NTM: variants seen among roughly 807,000 people sequenced by gnomAD.
The protein encoded by NTM is IgLON family member 2.
NTM carries 13 observed loss-of-function variants against 42.1 expected under a neutral mutation model. That is an observed-to-expected ratio of 0.31 (90% CI 0.20 to 0.49). The LOEUF is 0.49. Ranked by LOEUF, NTM falls within the 20% of genes least tolerant of loss-of-function variation. The pLI, the probability that NTM is intolerant of heterozygous loss-of-function variation, is 0.99. For missense variants in NTM, 373 were observed against 452.8 expected, an observed-to-expected ratio of 0.82 and a Z score of 1.60; for synonymous variants, 187 against 179.2, an observed-to-expected ratio of 1.04 and a Z score of -0.35.
chr11:131,461,436 T>C (rs1443662337), intron 1 of NTM, among the ~76,000 whole-genome samples: 1 of 152,146 alleles, frequency 6.6e-6, no homozygotes, highest in East Asian at 1.9e-4. Flanking sequence ...TAAAGAAAAG[T>C]ATCTGTGGAA....
intron 4 of NTM, among the ~76,000 whole-genome samples, chr11:132,261,757 G>T (rs747383865): frequency 6.6e-6 from 1 of 152,176 alleles, no homozygotes; most frequent in Non-Finnish European, 1.5e-5. Flanking sequence ...AATAGAATGG[G>T]AGCAGATAGA....
intron 3 of NTM, among the ~76,000 whole-genome samples, chr11:132,148,309 AT>A: frequency 6.6e-6 from 1 of 152,218 alleles, no homozygotes; most frequent in South Asian, 2.1e-4. Flanking sequence ...TGTAAAATAC[AT>A]TTTTTATTAT....
At chr11:131,525,052 G>A (rs995384985) in intron 1 of NTM, among the ~76,000 whole-genome samples, 1 of 151,984 alleles carries the variant, frequency 6.6e-6, no homozygotes, top group Admixed American at 6.5e-5. Flanking sequence ...ATGGAGTAAG[G>A]GGGCAGTAAT....
intron 1 of NTM, among the ~76,000 whole-genome samples, chr11:131,690,241 T>C (rs1264510520): frequency 6.6e-6 from 1 of 152,122 alleles, no homozygotes. Flanking sequence ...AACTCACACA[T>C]TCACAGATAT....
intron 2 of NTM, among the ~76,000 whole-genome samples, chr11:132,056,335 A>G (rs1323720157): frequency 6.6e-6 from 1 of 152,180 alleles, no homozygotes; most frequent in Non-Finnish European, 1.5e-5. Context: ...CCCTATCCCC[A>G]AAATAGCAGC....
chr11:131,988,736 A>G, intron 2 of NTM, among the ~76,000 whole-genome samples: 1 of 152,306 alleles, frequency 6.6e-6, no homozygotes, highest in East Asian at 1.9e-4. Context: ...TCTGGGTCTG[A>G]TGAATTGATG....
intron 7 of NTM, among the ~76,000 whole-genome samples, chr11:132,320,930 C>G (rs1238013639): frequency 2.3e-4 from 34 of 151,058 alleles, no homozygotes; most frequent in East Asian, 5.8e-4. Flanking sequence ...ACACCTCACA[C>G]TGCAGGGTAC....
At chr11:131,733,758 G>A (rs183114726) in intron 1 of NTM, among the ~76,000 whole-genome samples, 28 of 152,124 alleles carry the variant, frequency 1.8e-4, no homozygotes, top group African/African-American at 6.5e-4. Flanking sequence ...GGCTGCTCTC[G>A]AACCCCTGAC....
chr11:132,120,760 C>T (rs1364776167), intron 2 of NTM, among the ~76,000 whole-genome samples: 1 of 152,114 alleles, frequency 6.6e-6, no homozygotes, highest in Admixed American at 6.6e-5. Flanking sequence ...GAAAAGAGAG[C>T]TTAGCGTCCT....
chr11:131,573,835 G>A (rs555687657), intron 1 of NTM, among the ~76,000 whole-genome samples: 8 of 152,200 alleles, frequency 5.3e-5, no homozygotes, highest in African/African-American at 1.7e-4. Context: ...TGACCAAAAT[G>A]TGCCTGTCCC....
intron 1 of NTM, among the ~76,000 whole-genome samples, chr11:131,609,584 G>C (rs1020100024): frequency 3.3e-5 from 5 of 152,136 alleles, no homozygotes; most frequent in Non-Finnish European, 7.3e-5. Flanking sequence ...CGTCTTGATG[G>C]GGCAAGGCAT....
rs115477674 is a variant in NTM, at chr11:131,589,949, G to C, written c.82+219061G>C. On this transcript the variant is annotated intron_variant, in intron 1 of 8. Coordinates refer to ENST00000683400, the MANE Select transcript of NTM (RefSeq NM_001352005.2). ...GCGCTAAAACCCAACAAAGCAGCAA[G>C]GGATACGCTCTTCCCCAGCCACATG... 9.9e-3 allele frequency among the ~76,000 whole-genome samples: 1,501 copies of C among 152,286 alleles called. 24 individuals are homozygous for C. The highest frequency in any genetic ancestry group is 0.034 in the African/African-American group (1,417 of 41,562).
intron 2 of NTM, among the ~76,000 whole-genome samples, chr11:131,970,893 G>A (rs1033101181): frequency 3.9e-5 from 6 of 152,234 alleles, no homozygotes; most frequent in Admixed American, 6.5e-5. Context: ...ACACCAAAGC[G>A]TTTCATAAAT....
chr11:132,285,793 C>T (rs2094207345), intron 4 of NTM, among the ~76,000 whole-genome samples: 1 of 152,164 alleles, frequency 6.6e-6, no homozygotes, highest in South Asian at 2.1e-4. Flanking sequence ...AGTCGCTGTC[C>T]CTTAGACTGT....
intron 2 of NTM, among the ~76,000 whole-genome samples, chr11:132,069,369 AG>A (rs2057054751): frequency 9.5e-6 from 1 of 105,298 alleles, no homozygotes; most frequent in African/African-American, 4.2e-5. Context: ...TGACCATCAC[AG>A]GTTAGTTAAC....
chr11:131,448,664 C>T (rs562970543), intron 1 of NTM, among the ~76,000 whole-genome samples: 35 of 152,316 alleles, frequency 2.3e-4, no homozygotes, highest in Non-Finnish European at 3.8e-4. Context: ...CCAGAGACAC[C>T]GACCCTGTCC....
chr11:131,644,208 G>C (rs980032328), intron 1 of NTM, among the ~76,000 whole-genome samples: 2 of 152,150 alleles, frequency 1.3e-5, no homozygotes, highest in African/African-American at 4.8e-5. Flanking sequence ...TAGGGGAGGA[G>C]CAAAGAGCCA....
chr11:132,175,966 ATC>A (rs2076748772), intron 3 of NTM, among the ~76,000 whole-genome samples: 1 of 151,780 alleles, frequency 6.6e-6, no homozygotes, highest in South Asian at 2.1e-4. Context: ...CTCTCACTGT[ATC>A]TCTTGAAGAC....
chr11:132,229,876 G>T (rs140120294), intron 4 of NTM, among the ~76,000 whole-genome samples: 1 of 152,260 alleles, frequency 6.6e-6, no homozygotes, highest in African/African-American at 2.4e-5. Context: ...ACCCTCTTTT[G>T]CCCTCATTAT....
Sources: allele counts gnomAD v4.1 joint callset (sites outside exome capture counted in the v4.1 genomes callset), GRCh38; gene constraint gnomAD v4.1.1; transcripts MANE v1.5; gene names NCBI Gene and HGNC (gene_info 2026-07-23, HGNC 2026-07-21).